Variants in DNASE2B observed in about 807,000 individuals in gnomAD.
DNASE2B encodes deoxyribonuclease 2 beta.
In DNASE2B, 43 loss-of-function variants were observed where a neutral mutation model predicts 46.0. The ratio of observed to expected loss-of-function variants is 0.94; its 90% CI spans 0.73 to 1.21. DNASE2B has a LOEUF of 1.21. DNASE2B is among the 50% of genes most tolerant of loss of function. The pLI is 0.00. For synonymous variants in DNASE2B, 156 were observed against 152.5 expected (o/e 1.02, Z -0.17); for missense variants, 395 against 414.4 (o/e 0.95, Z 0.41).
At chr1:84,414,471 A>G in intron 5 of DNASE2B, 57 bp from the exon 6 acceptor site, 11 of 1,424,214 alleles carry the variant, frequency 7.7e-6, no homozygotes, top group Non-Finnish European at 1.0e-5. Context: ...GTATATTTTC[A>G]GGGACTAATC....
intron 4 of DNASE2B, among the ~76,000 whole-genome samples, chr1:84,411,394 C>T (rs1680588856): frequency 6.7e-6 from 1 of 149,910 alleles, no homozygotes; most frequent in Non-Finnish European, 1.5e-5. Context: ...TTACAGATCT[C>T]CTTATTTCTC....
chr1:84,404,386 A>G (rs914275876), intron 2 of DNASE2B, among the ~76,000 whole-genome samples: 2 of 152,138 alleles, frequency 1.3e-5, no homozygotes, highest in South Asian at 2.1e-4. Flanking sequence ...CTGAACACAG[A>G]TTTTTCCAGC....
At chr1:84,412,620 T>C (rs1230936855) in intron 5 of DNASE2B, 74 bp downstream of exon 5, 1 of 1,277,130 alleles carries the variant, frequency 7.8e-7, no homozygotes, top group Non-Finnish European at 1.0e-6. Flanking sequence ...CTTAGAGAAA[T>C]ATTTTGAGTA....
intron 2 of DNASE2B, chr1:84,408,189 C>T: frequency 3.0e-6 from 1 of 338,488 alleles, no homozygotes; most frequent in Non-Finnish European, 4.8e-6. Flanking sequence ...CCCTCACACA[C>T]AGATCACAAT....
intron 3 of DNASE2B, among the ~76,000 whole-genome samples, chr1:84,410,203 ATCTT>A (rs200826888): frequency 0.014 from 2,083 of 152,250 alleles, 46 homozygotes; most frequent in African/African-American, 0.047. Context: ...AATGATAAAA[ATCTT>A]TCTATTTTCT....
In DNASE2B at chr1:84,412,574, GC is replaced by G. The variant is rs774308687; in HGVS notation, c.745+29del. ...ATGAAAGACCATCATCAAACAACAT[GC>G]TGTATAATTCTGCTGTTGAACTGAC... On this transcript the variant is annotated intron_variant, in intron 5 of 5. Transcript: ENST00000370665. 6.4e-6 allele frequency: 10 copies of G among 1,569,930 alleles called. No homozygotes were observed. In the South Asian group the frequency reaches 1.2e-4, roughly 18 times the overall value.
At chr1:84,403,993 G>A (rs1390683284) in intron 2 of DNASE2B, among the ~76,000 whole-genome samples, 2 of 130,278 alleles carry the variant, frequency 1.5e-5, no homozygotes, top group African/African-American at 5.9e-5. Context: ...GGTGGGTAAA[G>A]ATAGGGTTTC....
At chr1:84,399,325 G>A (rs1680360155) in intron 1 of DNASE2B, among the ~76,000 whole-genome samples, 1 of 152,198 alleles carries the variant, frequency 6.6e-6, no homozygotes, top group Non-Finnish European at 1.5e-5. Flanking sequence ...TGCCATAATG[G>A]TTGGTGTCAA....
chr1:84,403,953 A>ATTT (rs562382212), intron 2 of DNASE2B, among the ~76,000 whole-genome samples: 72 of 108,080 alleles, frequency 6.7e-4, no homozygotes, highest in African/African-American at 1.3e-3. Context: ...TGCCTGGCTA[A>ATTT]TTTTTTTTTT....
In DNASE2B at chr1:84,414,978, A is replaced by G; in HGVS notation, c.*110A>G. 2 of 735,576 alleles carry G rather than the reference A, an allele frequency of 2.7e-6. No homozygotes were observed. Among genetic ancestry groups the G allele is most frequent in the East Asian group, 5.5e-5 (2 of 36,528 alleles). 45.6% of individuals were successfully genotyped at this position (735,576 alleles called of 1,614,324 possible). ...CTGTGAATATACTTATAACCTGCAT[A>G]TCACAAAATAAAACATTTTTCTCTC... On this transcript the variant is annotated 3_prime_UTR_variant, in exon 6 of 6. Coordinates refer to ENST00000370665, the MANE Select transcript of DNASE2B (RefSeq NM_021233.3).
chr1:84,406,792 C>A (rs1469163789), intron 2 of DNASE2B, among the ~76,000 whole-genome samples: 1 of 152,178 alleles, frequency 6.6e-6, no homozygotes, highest in Admixed American at 6.6e-5. Context: ...AATTGAACCT[C>A]TGACAGAGAG....
chr1:84,408,895 T>C (rs556672057), intron 3 of DNASE2B, among the ~76,000 whole-genome samples: 1 of 151,990 alleles, frequency 6.6e-6, no homozygotes, highest in South Asian at 2.1e-4. Flanking sequence ...AAACACATTT[T>C]AGTCAGATTT....
Position 84,412,519 on chromosome 1 carries a change from T to C in DNASE2B, c.718T>C (p.Phe240Leu). Residue 240 changes from phenylalanine (F) to leucine (L), a missense_variant, in exon 5 of 6, where the codon TTT becomes CTT. Coordinates refer to ENST00000370665, the MANE Select transcript of DNASE2B (RefSeq NM_021233.3). ...GGCCCAGGGACAAAAATTCCTCCAT[T>C]TTGCAAAGTCGGATTCTTTTCTTGA... ...QSAQGQKFLH[F>L]AKSDSFLDDI... 1.2e-6 allele frequency: 2 copies of C among 1,611,910 alleles called. No individual in the cohort carries two copies. Among genetic ancestry groups the C allele is most frequent in the Non-Finnish European group, 1.7e-6 (2 of 1,179,034 alleles).
In DNASE2B at chr1:84,409,458, C is replaced by A. The variant is rs535799518; in HGVS notation, c.385+940C>A. Reference sequence around the variant, plus strand: ...ACTCCCCAGTTTTTAAATGTTGGCACTAAATTCAAAGTTTAAAAAATACTC... The same window carrying A: ...ACTCCCCAGTTTTTAAATGTTGGCAATAAATTCAAAGTTTAAAAAATACTC... On this transcript the variant is annotated intron_variant, in intron 3 of 5. Transcript: ENST00000370665. Among the ~76,000 whole-genome samples, 6 of 152,198 alleles carry A rather than the reference C, an allele frequency of 3.9e-5. No individual in the cohort carries two copies. In the East Asian group the frequency reaches 1.2e-3, roughly 29 times the overall value.
Position 84,414,826 on chromosome 1 carries a change from A to G in DNASE2B, c.1044A>G (p.Gln348=), listed in dbSNP as rs1407392597. ...GTACCCAGAATTGGCAAATTTACCA[A>G]GCATTTCAAGGATTAGTATTATACT... is the stretch of plus-strand genomic sequence containing the variant. ...FICTQNWQIY[Q]AFQGLVLYYE... is the part of the protein sequence containing the mutation. The change falls in exon 6 of 6, where the codon CAA becomes CAG. Residue 348 remains glutamine, a synonymous_variant. Coordinates refer to ENST00000370665, the MANE Select transcript of DNASE2B (RefSeq NM_021233.3). 3 of 1,614,062 alleles carry G rather than the reference A, an allele frequency of 1.9e-6. No homozygotes were observed. The East Asian group carries it at 6.7e-5, about 36-fold the overall frequency.
intron 1 of DNASE2B, 48 bp downstream of exon 1, chr1:84,398,737 C>G: frequency 1.3e-6 from 2 of 1,599,278 alleles, no homozygotes; most frequent in Non-Finnish European, 1.7e-6. Context: ...AGCCTCGGTA[C>G]AGAGTTGGCC....
At chr1:84,401,818 A>T (rs1192473237) in intron 1 of DNASE2B, 83 bp from the exon 2 acceptor site, 3 of 1,045,540 alleles carry the variant, frequency 2.9e-6, no homozygotes, top group Non-Finnish European at 3.9e-6. Flanking sequence ...GAAATGAGAG[A>T]TATATTAAAG....
intron 4 of DNASE2B, 83 bp from the exon 5 acceptor site, chr1:84,412,266 A>T (rs1680611684): frequency 8.1e-7 from 1 of 1,227,210 alleles, no homozygotes; most frequent in Admixed American, 3.2e-5. Context: ...TTGTTTTTAA[A>T]TCCACAAAAA....
intron 4 of DNASE2B, 138 bp downstream of exon 4, chr1:84,411,137 C>A: frequency 2.7e-6 from 3 of 1,102,614 alleles, no homozygotes; most frequent in Non-Finnish European, 3.9e-6. Flanking sequence ...CTGGCTTTGC[C>A]ATGGTGAGGT....
Sources: allele counts gnomAD v4.1 joint callset (sites outside exome capture counted in the v4.1 genomes callset), GRCh38; gene constraint gnomAD v4.1.1; transcripts MANE v1.5; gene names NCBI Gene and HGNC (gene_info 2026-07-23, HGNC 2026-07-21).